The following SPIDR variants were observed in gnomAD, a reference collection of about 807,000 sequenced individuals.
SPIDR encodes DNA repair-scaffolding protein.
A neutral mutation model predicts 104.6 loss-of-function variants in SPIDR; 93 were observed. The ratio of observed to expected loss-of-function variants is 0.89; its 90% CI spans 0.75 to 1.06. The LOEUF (loss-of-function observed/expected upper bound fraction) is 1.06. SPIDR is among the 50% of genes least tolerant of loss of function. SPIDR has a pLI of 0.00. For missense variants in SPIDR, 1,154 were observed against 1,111.2 expected (o/e 1.04, Z -0.55); for synonymous variants, 431 against 416.9 (o/e 1.03, Z -0.41).
Position 47,596,025 on chromosome 8 carries a change from A to G in SPIDR, c.1293+19A>G. 1 of 1,596,698 alleles carries G rather than the reference A, an allele frequency of 6.3e-7. No individual in the cohort carries two copies. Among genetic ancestry groups the G allele is most frequent in the Non-Finnish European group, 8.5e-7 (1 of 1,170,748 alleles). Reference sequence around the variant, plus strand: ...AATCCAGGTAAACTCCTATTGGCCTAAAGGTTTTATGCTTGTAATAATGTT... The same window carrying G: ...AATCCAGGTAAACTCCTATTGGCCTGAAGGTTTTATGCTTGTAATAATGTT... On this transcript the variant is annotated intron_variant, in intron 9 of 19. Transcript: ENST00000297423.
intron 7 of SPIDR, among the ~76,000 whole-genome samples, chr8:47,412,040 G>C (rs202042190): frequency 4.6e-5 from 7 of 152,052 alleles, no homozygotes; most frequent in Non-Finnish European, 1.0e-4. Context: ...CAGTACCATG[G>C]TGTTTTTGTT....
intron 8 of SPIDR, among the ~76,000 whole-genome samples, chr8:47,523,065 A>G (rs1022653179): frequency 6.6e-6 from 1 of 151,886 alleles, no homozygotes; most frequent in African/African-American, 2.4e-5. Flanking sequence ...CAGTGTCACA[A>G]TCTCAGCTCA....
intron 5 of SPIDR, among the ~76,000 whole-genome samples, chr8:47,309,354 A>G (rs116144867): frequency 0.011 from 1,751 of 152,314 alleles, 38 homozygotes; most frequent in African/African-American, 0.039. Flanking sequence ...ATTTTATATT[A>G]TAACTCATGT....
At chr8:47,604,286 T>C (rs914792603) in intron 10 of SPIDR, among the ~76,000 whole-genome samples, 1 of 152,148 alleles carries the variant, frequency 6.6e-6, no homozygotes, top group Non-Finnish European at 1.5e-5. Flanking sequence ...TTTGAAAAGC[T>C]CTTGGACAGG....
At position 47,513,203 on chromosome 8, in the gene SPIDR, A is replaced by G. The variant is rs186874810; in HGVS notation, c.1097+72661A>G. ...TTTTCTCAAAATATTTACACTTCCA[A>G]TGTTATTTCTGTACATTACTGCTCA... On this transcript the variant is annotated intron_variant, in intron 8 of 19. Transcript: ENST00000297423. Among the ~76,000 whole-genome samples the G allele has an allele frequency of 1.3e-3, 202 of 152,352 alleles. 1 individual carries two copies. The highest frequency in any genetic ancestry group is 4.4e-3 in the African/African-American group (185 of 41,584).
chr8:47,718,775 C>T (rs1265613797), intron 16 of SPIDR, among the ~76,000 whole-genome samples: 1 of 150,730 alleles, frequency 6.6e-6, no homozygotes, highest in African/African-American at 2.4e-5. Flanking sequence ...CTTTTTTTTT[C>T]CCCTCAACTT....
chr8:47,496,633 A>T (rs927938145), intron 8 of SPIDR, among the ~76,000 whole-genome samples: 1 of 150,940 alleles, frequency 6.6e-6, no homozygotes, highest in Non-Finnish European at 1.5e-5. Context: ...TACTCATAAG[A>T]GATATGGGTC....
rs186287318 is a variant in SPIDR, at chr8:47,430,187, C to T, written c.878-10136C>T. On this transcript the variant is annotated intron_variant, in intron 7 of 19. Coordinates refer to ENST00000297423, the MANE Select transcript of SPIDR (RefSeq NM_001080394.4). ...TAATGGTCGCTCTGTGTTTTTGTTA[C>T]TACATTACCTATTTTAATCCTTAAG... 1.6e-3 allele frequency among the ~76,000 whole-genome samples: 245 copies of T among 152,324 alleles called. 1 individual carries two copies. The highest frequency in any genetic ancestry group is 5.7e-3 in the African/African-American group (237 of 41,568).
chr8:47,457,724 T>C (rs1554710682), intron 8 of SPIDR, among the ~76,000 whole-genome samples: 1 of 152,166 alleles, frequency 6.6e-6, no homozygotes, highest in African/African-American at 2.4e-5. Context: ...CAGTTTCAGG[T>C]CTTAGATTGA....
At chr8:47,673,634 G>T (rs1003284413) in intron 10 of SPIDR, 167 bp from the exon 11 acceptor site, 2 of 878,584 alleles carry the variant, frequency 2.3e-6, no homozygotes, top group African/African-American at 1.7e-5. Flanking sequence ...GATGACTACA[G>T]TGGATTTCTT....
intron 8 of SPIDR, chr8:47,592,668 G>A (rs888414228): frequency 3.8e-5 from 31 of 813,316 alleles, no homozygotes; most frequent in South Asian, 8.6e-5. Context: ...CCTCACGCAC[G>A]AGTAGAAGTC....
intron 5 of SPIDR, among the ~76,000 whole-genome samples, chr8:47,391,534 C>CT: frequency 6.6e-6 from 1 of 152,054 alleles, no homozygotes; most frequent in South Asian, 2.1e-4. Context: ...GAGTGAGATC[C>CT]TGTCTTAAAA....
intron 5 of SPIDR, among the ~76,000 whole-genome samples, chr8:47,328,417 ATT>A (rs782106826): frequency 7.4e-5 from 10 of 134,986 alleles, no homozygotes; most frequent in Admixed American, 3.7e-4. Flanking sequence ...CTGGCTAATT[ATT>A]TTTTTTTTTT....
chr8:47,273,600 AT>A (rs112128592), intron 1 of SPIDR, among the ~76,000 whole-genome samples: 37 of 142,538 alleles, frequency 2.6e-4, no homozygotes, highest in Admixed American at 5.6e-4. Context: ...TTAATTGTTC[AT>A]TTTTTTTTTT....
At chr8:47,707,708 T>C (rs1225276112) in intron 14 of SPIDR, among the ~76,000 whole-genome samples, 1 of 152,222 alleles carries the variant, frequency 6.6e-6, no homozygotes, top group Non-Finnish European at 1.5e-5. Flanking sequence ...TTTGTGTTCT[T>C]TTCCAGAAGA....
intron 10 of SPIDR, among the ~76,000 whole-genome samples, chr8:47,620,398 C>G (rs575967722): frequency 3.2e-4 from 48 of 151,046 alleles, no homozygotes; most frequent in African/African-American, 1.2e-3. Context: ...CCTCACCCTT[C>G]CAAGTAACTG....
intron 6 of SPIDR, among the ~76,000 whole-genome samples, chr8:47,405,093 CTG>C (rs1214104469): frequency 1.1e-4 from 16 of 152,042 alleles, no homozygotes; most frequent in African/African-American, 3.4e-4. Flanking sequence ...TCTGAGGAAA[CTG>C]TCGCAGGGAA....
chr8:47,595,695 T>A, intron 8 of SPIDR, 116 bp from the exon 9 acceptor site: 1 of 916,386 alleles, frequency 1.1e-6, no homozygotes, highest in Non-Finnish European at 1.7e-6. Context: ...GTGGGTGGGC[T>A]TGGCTTTAGC....
intron 5 of SPIDR, chr8:47,360,710 C>T: frequency 2.8e-6 from 1 of 358,550 alleles, no homozygotes; most frequent in Non-Finnish European, 3.9e-6. Context: ...AAATCTCCCA[C>T]TTTCTACATG....
Sources: allele counts gnomAD v4.1 joint callset (sites outside exome capture counted in the v4.1 genomes callset), GRCh38; gene constraint gnomAD v4.1.1; transcripts MANE v1.5; gene names NCBI Gene and HGNC (gene_info 2026-07-23, HGNC 2026-07-21).